The following DDX6 variants were observed in gnomAD, a reference collection of about 807,000 sequenced individuals.
DDX6 encodes the protein DEAD-box helicase 6.
A neutral mutation model predicts 60.6 loss-of-function variants in DDX6; 7 were observed. That is an observed-to-expected ratio of 0.12 (90% CI 0.07 to 0.22). The LOEUF is 0.22. DDX6 is among the 10% of genes least tolerant of loss of function. The pLI, the probability that DDX6 is intolerant of heterozygous loss-of-function variation, is 1.00. For synonymous variants in DDX6, 207 were observed against 201.0 expected (o/e 1.03, Z -0.25); for missense variants, 270 against 589.9 (o/e 0.46, Z 5.62).
chr11:118,790,584 C>T (rs1451735616), intron 1 of DDX6, among the ~76,000 whole-genome samples: 2 of 152,100 alleles, frequency 1.3e-5, no homozygotes, highest in Non-Finnish European at 2.9e-5. Flanking sequence ...CCATCATCCC[C>T]CTAAGTCCTT....
At chr11:118,754,057 C>A (rs1012127731) in intron 13 of DDX6, among the ~76,000 whole-genome samples, 1 of 152,214 alleles carries the variant, frequency 6.6e-6, no homozygotes, top group African/African-American at 2.4e-5. Context: ...GTGATTGTGC[C>A]ACTGTACTCC....
intron 12 of DDX6, among the ~76,000 whole-genome samples, chr11:118,755,146 AAC>A (rs1253701493): frequency 9.2e-5 from 14 of 152,234 alleles, no homozygotes; most frequent in African/African-American, 3.4e-4. Flanking sequence ...CACATTAAAC[AAC>A]AGTCACAGAA....
chr11:118,749,958 T>A lies in DDX6; in HGVS notation c.*2147A>T, dbSNP rs1860697598. 6.6e-6 allele frequency: 1 copy of A among 152,536 alleles called. No homozygotes were observed. The highest frequency in any genetic ancestry group is 6.6e-5 in the Admixed American group (1 of 15,264). The allele number at this position is 152,536 out of a possible 1,614,324, so 9.4% of individuals were successfully genotyped here. On this transcript the variant is annotated 3_prime_UTR_variant, in exon 14 of 14. Coordinates refer to ENST00000534980, the MANE Select transcript of DDX6 (RefSeq NM_004397.6). ...AGTTCTTGCTACAGTTGTTAAGGAG[T>A]TAGGGCTATGTCCCATCAGGAGGCA...
chr11:118,763,108 T>G (rs1271071364), intron 7 of DDX6, 104 bp downstream of exon 7: 2 of 726,316 alleles, frequency 2.8e-6, no homozygotes, highest in Admixed American at 5.5e-5. Context: ...GTTTATGTGT[T>G]TATTAGATCA....
At chr11:118,774,546 T>TA (rs1458815920) in intron 4 of DDX6, among the ~76,000 whole-genome samples, 1 of 150,610 alleles carries the variant, frequency 6.6e-6, no homozygotes, top group Non-Finnish European at 1.5e-5. Context: ...CTGGCTCACT[T>TA]ACAGCCTCAA....
intron 2 of DDX6, among the ~76,000 whole-genome samples, chr11:118,783,885 G>A (rs1035397119): frequency 2.0e-5 from 3 of 150,648 alleles, no homozygotes; most frequent in Non-Finnish European, 2.9e-5. Flanking sequence ...AGAGGTCGAG[G>A]TGGGCAGATC....
intron 4 of DDX6, among the ~76,000 whole-genome samples, chr11:118,775,317 A>G (rs1256987270): frequency 1.3e-5 from 2 of 152,224 alleles, no homozygotes; most frequent in Non-Finnish European, 2.9e-5. Flanking sequence ...CCCTGTCTCA[A>G]AAACAAAAGA....
chr11:118,756,388 A>G, intron 10 of DDX6, 65 bp from the exon 11 acceptor site: 1 of 1,303,034 alleles, frequency 7.7e-7, no homozygotes, highest in South Asian at 1.2e-5. Flanking sequence ...TCCCATAATT[A>G]TTTCTCCCAG....
rs554822272 is a variant in DDX6, at chr11:118,779,605, CAT to C, written c.369+25_369+26del. The C allele has an allele frequency of 7.0e-6, 10 of 1,435,302 alleles. No homozygotes were observed. In the South Asian group the frequency reaches 1.1e-4, roughly 15 times the overall value. The allele number at this position is 1,435,302 out of a possible 1,614,324, so 88.9% of individuals were successfully genotyped here. On this transcript the variant is annotated intron_variant, in intron 4 of 13. Transcript: ENST00000534980. ...GTTTAATGGTTGACACATAACCTTA[CAT>C]ATGTGATAAAAAGGGTTAACATACC...
Position 118,781,113 on chromosome 11 carries a change from C to T in DDX6, c.264+8G>A, listed in dbSNP as rs782601451. 5.7e-6 allele frequency: 9 copies of T among 1,585,706 alleles called. No homozygotes were observed. In the South Asian group the frequency reaches 1.0e-4, roughly 18 times the overall value. ...CATTATTCTACTTGTATTTTACAACCAACTTACCGAAGTTTTGATTCTTAG... is the reference window on the plus strand; with the variant it reads ...CATTATTCTACTTGTATTTTACAACTAACTTACCGAAGTTTTGATTCTTAG... On this transcript the variant is annotated splice_region_variant and intron_variant, in intron 3 of 13. Transcript: ENST00000534980.
chr11:118,748,801 C>T lies in DDX6; in HGVS notation c.*3304G>A, dbSNP rs1860649356. ...TCATCAGAATGAGATGTTTTGATTC[C>T]AACAATTTATACTCAAGGCTTTGTG... On this transcript the variant is annotated 3_prime_UTR_variant, in exon 14 of 14. Coordinates refer to ENST00000534980, the MANE Select transcript of DDX6 (RefSeq NM_004397.6). 6.8e-6 allele frequency: 1 copy of T among 147,776 alleles called. No individual in the cohort carries two copies. Among genetic ancestry groups the T allele is most frequent in the African/African-American group, 2.5e-5 (1 of 39,862 alleles). The allele number at this position is 147,776 out of a possible 1,614,324, so 9.2% of individuals were successfully genotyped here.
In DDX6 at chr11:118,755,343, A is replaced by G. The variant is rs539240982; in HGVS notation, c.1276+59T>C. 461 of 965,374 alleles carry G rather than the reference A, an allele frequency of 4.8e-4. 6 individuals are homozygous for G. The South Asian group carries it at 5.8e-3, about 12-fold the overall frequency. The allele number at this position is 965,374 out of a possible 1,614,324, so 59.8% of individuals were successfully genotyped here. A position where few individuals can be genotyped will look rare whatever the true frequency, so the allele number is the denominator to read the frequency against. On this transcript the variant is annotated intron_variant, in intron 12 of 13. Transcript: ENST00000534980. ...TCTATTTCACAAAAGAACAAAATTT[A>G]GTCATTACACGCCTCAAAAAAGAAC...
chr11:118,777,506 C>T lies in DDX6; in HGVS notation c.369+2126G>A, dbSNP rs1466728207. ...AATGCCTGGGTCTTGGTCCCTAATA[C>T]TACTCCACACTAAAAAGAATCAAGG... On this transcript the variant is annotated intron_variant, in intron 4 of 13. Transcript: ENST00000534980. Among the ~76,000 whole-genome samples the T allele has an allele frequency of 2.0e-5, 3 of 152,140 alleles. No individual in the cohort carries two copies. In the East Asian group the frequency reaches 5.8e-4, roughly 29 times the overall value.
At chr11:118,780,299 A>G (rs539942156) in intron 3 of DDX6, among the ~76,000 whole-genome samples, 1 of 151,962 alleles carries the variant, frequency 6.6e-6, no homozygotes, top group Non-Finnish European at 1.5e-5. Flanking sequence ...TGTTTTGGGG[A>G]AAGAGCACTT....
intron 13 of DDX6, among the ~76,000 whole-genome samples, chr11:118,754,347 C>T (rs1237309113): frequency 1.3e-5 from 2 of 152,192 alleles, no homozygotes; most frequent in African/African-American, 4.8e-5. Flanking sequence ...AACCAGGCTG[C>T]AGTGAGCTAT....
At chr11:118,782,916 C>A (rs140586560) in intron 2 of DDX6, among the ~76,000 whole-genome samples, 26 of 152,302 alleles carry the variant, frequency 1.7e-4, no homozygotes, top group African/African-American at 6.3e-4. Context: ...AGGCGTGAGC[C>A]ACCTCACCCG....
At position 118,751,065 on chromosome 11, in the gene DDX6, A is replaced by G. The variant is rs183558069; in HGVS notation, c.*1040T>C. ...TTCATCCAAAAAAAAATATATATAT[A>G]TGTATATATATATATATATATGAAC... On this transcript the variant is annotated 3_prime_UTR_variant, in exon 14 of 14. Coordinates refer to ENST00000534980, the MANE Select transcript of DDX6 (RefSeq NM_004397.6). The G allele has an allele frequency of 8.6e-3, 984 of 114,038 alleles. 37 individuals carry two copies. The East Asian group carries it at 0.14, about 16-fold the overall frequency. 7.1% of individuals were successfully genotyped at this position (114,038 alleles called of 1,614,324 possible).
intron 6 of DDX6, among the ~76,000 whole-genome samples, chr11:118,764,384 T>C (rs1482696674): frequency 6.6e-6 from 1 of 152,294 alleles, no homozygotes; most frequent in East Asian, 1.9e-4. Context: ...CCTTAACGTA[T>C]TTAGTTAGCC....
intron 4 of DDX6, among the ~76,000 whole-genome samples, chr11:118,771,955 T>C (rs770197704): frequency 1.5e-4 from 23 of 152,242 alleles, no homozygotes; most frequent in Non-Finnish European, 2.5e-4. Context: ...TAAAAACATC[T>C]CCACACAAAA....
Sources: allele counts gnomAD v4.1 joint callset (sites outside exome capture counted in the v4.1 genomes callset), GRCh38; gene constraint gnomAD v4.1.1; transcripts MANE v1.5; gene names NCBI Gene and HGNC (gene_info 2026-07-23, HGNC 2026-07-21).